The following TMEFF2 variants were observed in gnomAD, a reference collection of about 807,000 sequenced individuals.
TMEFF2 encodes tomoregulin-2.
A neutral mutation model predicts 53.8 loss-of-function variants in TMEFF2; 28 were observed. The ratio of observed to expected loss-of-function variants is 0.52; its 90% CI spans 0.39 to 0.71. The LOEUF (loss-of-function observed/expected upper bound fraction) is 0.71. Ranked by LOEUF, TMEFF2 falls within the 30% of genes least tolerant of loss-of-function variation. TMEFF2 has a pLI of 0.00. For missense variants in TMEFF2, 353 were observed against 455.2 expected, an observed-to-expected ratio of 0.78 and a Z score of 2.04; for synonymous variants, 162 against 166.3, an observed-to-expected ratio of 0.97 and a Z score of 0.20.
chr2:192,073,471 A>G (rs963351363), intron 4 of TMEFF2, among the ~76,000 whole-genome samples: 29 of 151,846 alleles, frequency 1.9e-4, no homozygotes, highest in African/African-American at 5.8e-4. Flanking sequence ...TCCTATTTAA[A>G]AACTCAAGAC....
At chr2:192,001,667 C>T (rs1322928978) in intron 5 of TMEFF2, among the ~76,000 whole-genome samples, 4 of 152,124 alleles carry the variant, frequency 2.6e-5, no homozygotes, top group African/African-American at 9.7e-5. Context: ...TTGCTGTTCT[C>T]ATGATAGTGA....
chr2:192,116,142 TA>T (rs1183635934), intron 4 of TMEFF2, among the ~76,000 whole-genome samples: 2 of 151,982 alleles, frequency 1.3e-5, no homozygotes, highest in African/African-American at 2.4e-5. Flanking sequence ...CACAATGAAA[TA>T]TTTTTTTCAG....
Position 191,949,610 on chromosome 2 carries a change from G to GA in TMEFF2, c.*700dup. On this transcript the variant is annotated 3_prime_UTR_variant, in exon 10 of 10. Coordinates refer to ENST00000272771, the MANE Select transcript of TMEFF2 (RefSeq NM_016192.4). ...TTCAGATATATGCACTTAACTGGGG[G>GA]ATTCTAAGCTACTTCCCCAATAAAA... 2 of 985,306 alleles carry GA rather than the reference G, an allele frequency of 2.0e-6. No individual in the cohort carries two copies. The highest frequency in any genetic ancestry group is 2.4e-6 in the Non-Finnish European group (2 of 829,902). 61.0% of individuals were successfully genotyped at this position (985,306 alleles called of 1,614,324 possible).
chr2:192,184,241 TG>T (rs1691256718), intron 3 of TMEFF2, 112 bp downstream of exon 3: 1 of 1,307,610 alleles, frequency 7.6e-7, no homozygotes, highest in East Asian at 2.3e-5. Context: ...CAATACGGCT[TG>T]TCTAGTCAAC....
chr2:192,054,965 T>G (rs4308083), intron 5 of TMEFF2, among the ~76,000 whole-genome samples: 19,043 of 152,050 alleles, frequency 0.13, 1,344 homozygotes, highest in East Asian at 0.31. Context: ...TCTTAAAAGC[T>G]CATGTCTTAA....
intron 7 of TMEFF2, among the ~76,000 whole-genome samples, chr2:191,977,115 T>C (rs956697796): frequency 9.2e-5 from 14 of 152,344 alleles, no homozygotes; most frequent in Middle Eastern, 3.4e-3. Flanking sequence ...GAAGGCTATC[T>C]GAAGCCGATA....
intron 5 of TMEFF2, among the ~76,000 whole-genome samples, chr2:192,049,533 G>T (rs1277080551): frequency 6.6e-6 from 1 of 152,100 alleles, no homozygotes; most frequent in Non-Finnish European, 1.5e-5. Flanking sequence ...CATGGAGCAG[G>T]TATTCCCTGA....
At chr2:192,115,739 G>C (rs1342239723) in intron 4 of TMEFF2, among the ~76,000 whole-genome samples, 2 of 151,926 alleles carry the variant, frequency 1.3e-5, no homozygotes, top group African/African-American at 4.8e-5. Flanking sequence ...TATATGAAAA[G>C]GTGATTAACA....
At chr2:191,994,712 C>CT (rs1686182446) in intron 7 of TMEFF2, among the ~76,000 whole-genome samples, 1 of 151,858 alleles carries the variant, frequency 6.6e-6, no homozygotes, top group African/African-American at 2.4e-5. Context: ...AAAGCCCTAG[C>CT]TTTGTGTGTT....
chr2:192,096,826 A>G (rs370633835), intron 4 of TMEFF2, among the ~76,000 whole-genome samples: 2 of 151,368 alleles, frequency 1.3e-5, no homozygotes, highest in African/African-American at 4.9e-5. Flanking sequence ...ACAGGCATCC[A>G]CCACCAGGCC....
At chr2:192,132,386 A>G (rs948894904) in intron 4 of TMEFF2, among the ~76,000 whole-genome samples, 2 of 152,100 alleles carry the variant, frequency 1.3e-5, no homozygotes, top group Non-Finnish European at 2.9e-5. Context: ...TTCGGCAGCA[A>G]CCCTGAGACG....
chr2:192,161,738 T>C (rs1265295871), intron 4 of TMEFF2, among the ~76,000 whole-genome samples: 1 of 152,182 alleles, frequency 6.6e-6, no homozygotes, highest in Non-Finnish European at 1.5e-5. Flanking sequence ...CATGAGTTTG[T>C]TGTGGGCAGT....
intron 4 of TMEFF2, among the ~76,000 whole-genome samples, chr2:192,065,654 T>C (rs1688152479): frequency 6.6e-6 from 1 of 151,782 alleles, no homozygotes. Flanking sequence ...CTTTTTTTAC[T>C]TTATTTACAT....
At chr2:192,052,278 A>G (rs1236325302) in intron 5 of TMEFF2, among the ~76,000 whole-genome samples, 1 of 152,176 alleles carries the variant, frequency 6.6e-6, no homozygotes. Context: ...CATGCAGCCA[A>G]TTTCATACCC....
chr2:192,188,651 AACAT>A (rs1323396639), intron 2 of TMEFF2, among the ~76,000 whole-genome samples: 1 of 152,242 alleles, frequency 6.6e-6, no homozygotes, highest in Non-Finnish European at 1.5e-5. Flanking sequence ...ATTAAATAAA[AACAT>A]TTAGTATCTG....
At position 191,949,069 on chromosome 2, in the gene TMEFF2, T is replaced by C. The variant is rs952551324; in HGVS notation, c.*1242A>G. ...TATTTGAAGGAGACAAAGAGAGCTT[T>C]ATTTAAATTTACTGTGTTAGCCATG... is the stretch of plus-strand genomic sequence containing the variant. On this transcript the variant is annotated 3_prime_UTR_variant, in exon 10 of 10. Transcript: ENST00000272771. The C allele has an allele frequency of 3.8e-5, 37 of 985,082 alleles. No individual in the cohort carries two copies. The highest frequency in any genetic ancestry group is 1.1e-4 in the East Asian group (1 of 8,816). The allele number at this position is 985,082 out of a possible 1,614,324, so 61.0% of individuals were successfully genotyped here. A position where few individuals can be genotyped will look rare whatever the true frequency, so the allele number is the denominator to read the frequency against.
intron 4 of TMEFF2, among the ~76,000 whole-genome samples, chr2:192,132,211 G>C (rs35632819): frequency 2.0e-5 from 3 of 151,850 alleles, no homozygotes; most frequent in Middle Eastern, 3.4e-3. Flanking sequence ...TTACAGTTTC[G>C]TTCTGTGACT....
At chr2:192,074,487 C>T (rs1185826590) in intron 4 of TMEFF2, among the ~76,000 whole-genome samples, 1 of 151,688 alleles carries the variant, frequency 6.6e-6, no homozygotes, top group Non-Finnish European at 1.5e-5. Flanking sequence ...TAATATTTGT[C>T]TAAAAGCAGT....
intron 2 of TMEFF2, among the ~76,000 whole-genome samples, chr2:192,190,570 A>G (rs1001980966): frequency 1.3e-5 from 2 of 152,172 alleles, no homozygotes; most frequent in Admixed American, 6.5e-5. Context: ...TTAAATATGC[A>G]AGAATATGTT....
Sources: allele counts gnomAD v4.1 joint callset (sites outside exome capture counted in the v4.1 genomes callset), GRCh38; gene constraint gnomAD v4.1.1; transcripts MANE v1.5; gene names NCBI Gene and HGNC (gene_info 2026-07-23, HGNC 2026-07-21).